Variants in DPP10 observed in about 807,000 individuals in gnomAD.
DPP10 encodes inactive dipeptidyl peptidase 10.
In DPP10, 33 loss-of-function variants were observed where a neutral mutation model predicts 120.9. The observed-to-expected ratio is 0.27, with a 90% confidence interval of 0.21 to 0.37. The LOEUF (loss-of-function observed/expected upper bound fraction) is 0.37. Ranked by LOEUF, DPP10 falls within the 10% of genes least tolerant of loss-of-function variation. The probability of loss-of-function intolerance (pLI) is 1.00; values close to 1 mark genes in which losing one functional copy is unlikely to be tolerated. For missense variants in DPP10, 816 were observed against 942.8 expected (o/e 0.87, Z 1.76); for synonymous variants, 337 against 326.1 (o/e 1.03, Z -0.36).
Position 115,331,548 on chromosome 2 carries a change from T to C in DPP10, c.176-12269T>C, listed in dbSNP as rs375981949. The stretch of plus-strand genomic sequence containing the variant: ...AGTTTTTGCCCATTCAGTATGATAT[T>C]GGCTGTGGGTTTGTCATAGATAGCT... On this transcript the variant is annotated intron_variant, in intron 2 of 25. Transcript: ENST00000410059. Among the ~76,000 whole-genome samples the C allele has an allele frequency of 7.2e-5, 11 of 152,286 alleles. 1 individual carries two copies. In the East Asian group the frequency reaches 9.7e-4, roughly 13 times the overall value.
At chr2:114,484,460 A>G (rs1457257599) in intron 1 of DPP10, among the ~76,000 whole-genome samples, 1 of 152,182 alleles carries the variant, frequency 6.6e-6, no homozygotes, top group Non-Finnish European at 1.5e-5. Context: ...TGAGGTCTTA[A>G]TAACAGCAAG....
At chr2:115,483,479 C>CTGTATG (rs3039971) in intron 3 of DPP10, among the ~76,000 whole-genome samples, 35,253 of 143,706 alleles carry the variant, frequency 0.25, 4,654 homozygotes, top group East Asian at 0.4. Flanking sequence ...ATCTATCTAT[C>CTGTATG]TGTATGTGTA....
intron 1 of DPP10, among the ~76,000 whole-genome samples, chr2:114,694,635 A>G (rs1330178293): frequency 1.3e-5 from 2 of 152,044 alleles, no homozygotes; most frequent in Non-Finnish European, 2.9e-5. Flanking sequence ...CAAGATGAAT[A>G]AAACGTAATA....
chr2:115,262,679 A>T (rs1258524196), intron 1 of DPP10, among the ~76,000 whole-genome samples: 1 of 152,196 alleles, frequency 6.6e-6, no homozygotes, highest in Non-Finnish European at 1.5e-5. Context: ...ATATTCAGTC[A>T]GTTCTGGCTC....
intron 1 of DPP10, among the ~76,000 whole-genome samples, chr2:114,986,732 C>T (rs961544091): frequency 6.6e-6 from 1 of 152,130 alleles, no homozygotes; most frequent in Non-Finnish European, 1.5e-5. Flanking sequence ...AAAAGGCTAA[C>T]AATGAATTTT....
At chr2:115,230,738 C>A (rs191671142) in intron 1 of DPP10, among the ~76,000 whole-genome samples, 1 of 151,396 alleles carries the variant, frequency 6.6e-6, no homozygotes, top group African/African-American at 2.4e-5. Flanking sequence ...ATGCTTTTTC[C>A]GGTAAAAAAA....
chr2:115,205,052 T>C (rs932429737), intron 1 of DPP10, among the ~76,000 whole-genome samples: 1 of 152,210 alleles, frequency 6.6e-6, no homozygotes, highest in Non-Finnish European at 1.5e-5. Context: ...GTCTGTTTAC[T>C]TTGTATATAG....
intron 1 of DPP10, among the ~76,000 whole-genome samples, chr2:115,198,848 G>A (rs1391384297): frequency 6.6e-6 from 1 of 152,102 alleles, no homozygotes; most frequent in Admixed American, 6.5e-5. Flanking sequence ...CCAAATGAGT[G>A]CTTACCATCA....
chr2:115,274,298 G>A (rs971701134), intron 1 of DPP10, among the ~76,000 whole-genome samples: 42 of 152,142 alleles, frequency 2.8e-4, no homozygotes, highest in Non-Finnish European at 2.1e-4. Flanking sequence ...GAACCCTGTC[G>A]TTTCCTATTG....
chr2:114,560,752 A>G (rs993162069), intron 1 of DPP10, among the ~76,000 whole-genome samples: 5 of 152,252 alleles, frequency 3.3e-5, no homozygotes, highest in African/African-American at 1.2e-4. Context: ...CTGGAAGAAA[A>G]GAATATGTGC....
At chr2:115,575,488 G>A (rs974133395) in intron 5 of DPP10, among the ~76,000 whole-genome samples, 28 of 152,098 alleles carry the variant, frequency 1.8e-4, no homozygotes, top group Non-Finnish European at 2.6e-4. Context: ...AAGATCAAAC[G>A]TAGTTTTTCC....
At chr2:115,108,314 A>G (rs1445978830) in intron 1 of DPP10, among the ~76,000 whole-genome samples, 1 of 152,218 alleles carries the variant, frequency 6.6e-6, no homozygotes, top group East Asian at 1.9e-4. Context: ...ATATACAAGA[A>G]TTGAACAGCC....
At chr2:115,226,950 A>C (rs2057463940) in intron 1 of DPP10, among the ~76,000 whole-genome samples, 1 of 152,208 alleles carries the variant, frequency 6.6e-6, no homozygotes. Context: ...AACAAAACAA[A>C]ACACAGAAAT....
intron 4 of DPP10, among the ~76,000 whole-genome samples, chr2:115,518,549 A>C (rs1048663916): frequency 3.3e-5 from 5 of 152,042 alleles, no homozygotes; most frequent in African/African-American, 1.2e-4. Flanking sequence ...TTCTTTTTGT[A>C]AATATGGGAA....
chr2:114,497,341 ATACATACACATG>A (rs1682726732), intron 1 of DPP10, among the ~76,000 whole-genome samples: 2 of 20,806 alleles, frequency 9.6e-5, no homozygotes, highest in Non-Finnish European at 2.7e-4. Flanking sequence ...ACATGTACAT[ATACATACACATG>A]TACATATACA....
chr2:114,454,155 A>G (rs1678435573), intron 1 of DPP10, among the ~76,000 whole-genome samples: 1 of 152,300 alleles, frequency 6.6e-6, no homozygotes, highest in Non-Finnish European at 1.5e-5. Flanking sequence ...GGCAAGCAAT[A>G]GCAGCTTGGT....
At chr2:114,754,172 T>C (rs982875526) in intron 1 of DPP10, among the ~76,000 whole-genome samples, 1 of 152,072 alleles carries the variant, frequency 6.6e-6, no homozygotes, top group Admixed American at 6.6e-5. Context: ...GAAAGCCAAC[T>C]GCTAATCATG....
rs991158967 is a variant in DPP10 at position 114,466,902 on chromosome 2, G to A, written c.60+24064G>A. Among the ~76,000 whole-genome samples the A allele has an allele frequency of 2.0e-5, 3 of 152,020 alleles. No homozygotes were observed. In the East Asian group the frequency reaches 5.8e-4, roughly 29 times the overall value. On this transcript the variant is annotated intron_variant, in intron 1 of 25. Coordinates refer to ENST00000410059, the MANE Select transcript of DPP10 (RefSeq NM_020868.6). ...CTACTAAAAATATAGAAAACTATTAGCTGGGCATGGTGGCAGATGCCTATA... is the reference window on the plus strand; with the variant it reads ...CTACTAAAAATATAGAAAACTATTAACTGGGCATGGTGGCAGATGCCTATA...
intron 3 of DPP10, among the ~76,000 whole-genome samples, chr2:115,378,895 A>T (rs1001133052): frequency 6.6e-6 from 1 of 152,144 alleles, no homozygotes; most frequent in Admixed American, 6.5e-5. Flanking sequence ...CATCCCAGGG[A>T]TGAAGCCCAC....
Sources: allele counts gnomAD v4.1 joint callset (sites outside exome capture counted in the v4.1 genomes callset), GRCh38; gene constraint gnomAD v4.1.1; transcripts MANE v1.5; gene names NCBI Gene and HGNC (gene_info 2026-07-23, HGNC 2026-07-21).